Variants in KISS1 observed in about 807,000 individuals in gnomAD.
KISS1 encodes KiSS-1 metastasis suppressor.
For synonymous variants in KISS1, 97 were observed against 88.7 expected, an observed-to-expected ratio of 1.09 and a Z score of -0.52; for missense variants, 182 against 182.7, an observed-to-expected ratio of 1.00 and a Z score of 0.02.
chr1:204,191,921 T>A (rs1658750112), intron 2 of KISS1, among the ~76,000 whole-genome samples: 1 of 152,188 alleles, frequency 6.6e-6, no homozygotes, highest in Non-Finnish European at 1.5e-5. Flanking sequence ...GTGGGGTTAT[T>A]TTCTGGGGTA....
chr1:204,192,392 G>T lies in KISS1; in HGVS notation c.103+382C>A, dbSNP rs1463168940. On this transcript the variant is annotated intron_variant, in intron 2 of 2. Coordinates refer to ENST00000367194, the MANE Select transcript of KISS1 (RefSeq NM_002256.4). The surrounding 1 kb of genome is among the most constrained non-coding windows in gnomAD (Gnocchi z 4.2). ...ATCAAATATCTGCCCTTTGGTTTAGGTTTTTTTTTTTTTCCAAATTCTCCA... is the reference window on the plus strand; with the variant it reads ...ATCAAATATCTGCCCTTTGGTTTAGTTTTTTTTTTTTTTCCAAATTCTCCA... Among the ~76,000 whole-genome samples, 8 of 146,432 alleles carry T rather than the reference G, an allele frequency of 5.5e-5. No individual in the cohort carries two copies. The East Asian group carries it at 1.0e-3, about 18-fold the overall frequency.
At chr1:204,194,178 G>T (rs764447666) in intron 1 of KISS1, among the ~76,000 whole-genome samples, 1 of 152,072 alleles carries the variant, frequency 6.6e-6, no homozygotes, top group African/African-American at 2.4e-5. Flanking sequence ...CTTGAATCTT[G>T]CCCCAGCTCT....
chr1:204,195,442 C>G (rs1408123268), intron 1 of KISS1, among the ~76,000 whole-genome samples: 2 of 145,716 alleles, frequency 1.4e-5, no homozygotes, highest in Non-Finnish European at 3.0e-5. Flanking sequence ...ACACATACAC[C>G]CATACACACA....
At chr1:204,195,218 CA>C (rs1658819202) in intron 1 of KISS1, among the ~76,000 whole-genome samples, 1 of 930 alleles carries the variant, frequency 1.1e-3, no homozygotes, top group Non-Finnish European at 2.5e-3. Context: ...TATACGCACA[CA>C]CCCATACACA....
In KISS1 at chr1:204,193,386, G is replaced by A. The variant is rs60849196; in HGVS notation, c.-38-472C>T. ...AACTTTGAGGTTCCAATATTCTCTCGGGAGCCTGGCAACAGGCACTTCTTC... is the reference window on the plus strand; with the variant it reads ...AACTTTGAGGTTCCAATATTCTCTCAGGAGCCTGGCAACAGGCACTTCTTC... On this transcript the variant is annotated intron_variant, in intron 1 of 2. Coordinates refer to ENST00000367194, the MANE Select transcript of KISS1 (RefSeq NM_002256.4). Among the ~76,000 whole-genome samples the A allele has an allele frequency of 2.2e-3, 330 of 152,126 alleles. 1 individual carries two copies. The highest frequency in any genetic ancestry group is 3.9e-3 in the Non-Finnish European group (264 of 68,004).
intron 1 of KISS1, among the ~76,000 whole-genome samples, chr1:204,193,273 T>C (rs1271396946): frequency 6.6e-6 from 1 of 152,020 alleles, no homozygotes; most frequent in Non-Finnish European, 1.5e-5. Flanking sequence ...TTGAGAGGAA[T>C]GTTTGAGAAA....
chr1:204,191,257 G>A (rs541371640), intron 2 of KISS1, among the ~76,000 whole-genome samples: 1 of 152,238 alleles, frequency 6.6e-6, no homozygotes, highest in African/African-American at 2.4e-5. Flanking sequence ...AGCTAAAAAC[G>A]TGTAGTAACA....
Position 204,190,518 on chromosome 1 carries a change from G to T in KISS1, c.383C>A (p.Pro128Gln). 6.2e-7 allele frequency: 1 copy of T among 1,607,116 alleles called. No homozygotes were observed. Among genetic ancestry groups the T allele is most frequent in the Non-Finnish European group, 8.5e-7 (1 of 1,178,376 alleles). Reference sequence around the variant, plus strand: ...CCCAGCGCTTCTGCCGTGGTTCCCTGGTGCCGCCTCCCGCTTGCCGAAGCG... The same window carrying T: ...CCCAGCGCTTCTGCCGTGGTTCCCTTGTGCCGCCTCCCGCTTGCCGAAGCG... ...GLRFGKREAA[P>Q]GNHGRSAGRG is the part of the protein sequence containing the mutation. The change falls in exon 3 of 3, where the codon CCA (proline) becomes CAA (glutamine). Residue 128 changes from proline (P) to glutamine (Q), a missense_variant. Physicochemically the swap from Pro to Gln is moderately conservative, Grantham distance 76. Coordinates refer to ENST00000367194, the MANE Select transcript of KISS1 (RefSeq NM_002256.4).
At position 204,192,629 on chromosome 1, in the gene KISS1, C is replaced by T. The variant is rs1303740746; in HGVS notation, c.103+145G>A. ...ACTTGCAGGGTTAACAGGACCCCCT[C>T]AATGAGTTGCATGTGTGCCAGTCTT... On this transcript the variant is annotated intron_variant, in intron 2 of 2. Transcript: ENST00000367194. The surrounding 1 kb of genome is among the most constrained non-coding windows in gnomAD (Gnocchi z 4.2). 2 of 676,018 alleles carry T rather than the reference C, an allele frequency of 3.0e-6. No individual in the cohort carries two copies. Among genetic ancestry groups the T allele is most frequent in the African/African-American group, 3.5e-5 (2 of 56,444 alleles). The allele number at this position is 676,018 out of a possible 1,614,324, so 41.9% of individuals were successfully genotyped here.
At chr1:204,195,405 A>ATAC (rs1413343566) in intron 1 of KISS1, among the ~76,000 whole-genome samples, 1 of 100,794 alleles carries the variant, frequency 9.9e-6, no homozygotes, top group African/African-American at 3.7e-5. Context: ...CACACCACAC[A>ATAC]CGCACACACA....
In KISS1 at chr1:204,190,578, T is replaced by A. The variant is rs570524083; in HGVS notation, c.323A>T (p.Asp108Val). ...QGAVLVQREK[D>V]LPNYNWNSFG... ...GGAGTTCCAGTTGTAGTTCGGCAGG[T>A]CCTTCTCCCGCTGCACCAGCACCGC... The change falls in exon 3 of 3, where the codon GAC (aspartate) becomes GTC (valine). Residue 108 changes from aspartate to valine, a missense_variant. Transcript: ENST00000367194. The A allele has an allele frequency of 1.2e-6, 2 of 1,602,584 alleles. No individual in the cohort carries two copies. The highest frequency in any genetic ancestry group is 3.4e-5 in the Admixed American group (2 of 59,126).
chr1:204,193,432 C>A (rs57867485), intron 1 of KISS1, among the ~76,000 whole-genome samples: 2,739 of 152,198 alleles, frequency 0.018, 76 homozygotes, highest in African/African-American at 0.063. Flanking sequence ...GGGTTCTGCA[C>A]AAATCCACAA....
rs1369487918 is a variant in KISS1, at chr1:204,193,756, C to G, written c.-38-842G>C. ...GGCTGCTGAGATGGGAGCCGTGTGC[C>G]CTGATCCTCACACCATTTCCCATCA... On this transcript the variant is annotated intron_variant, in intron 1 of 2. Coordinates refer to ENST00000367194, the MANE Select transcript of KISS1 (RefSeq NM_002256.4). Among the ~76,000 whole-genome samples the G allele has an allele frequency of 4.6e-5, 7 of 152,090 alleles. No individual in the cohort carries two copies. In the East Asian group the frequency reaches 1.4e-3, roughly 29 times the overall value.
At chr1:204,193,823 C>G (rs747364032) in intron 1 of KISS1, among the ~76,000 whole-genome samples, 3 of 152,120 alleles carry the variant, frequency 2.0e-5, no homozygotes, top group Non-Finnish European at 4.4e-5. Flanking sequence ...CATACCCCAC[C>G]CTACCTCTTC....
intron 1 of KISS1, among the ~76,000 whole-genome samples, 181 bp from the exon 2 acceptor site, chr1:204,193,095 T>C (rs1369055956): frequency 6.6e-6 from 1 of 152,200 alleles, no homozygotes; most frequent in East Asian, 1.9e-4. Flanking sequence ...TGAGACTCTT[T>C]ACACAGTGTA....
At chr1:204,195,112 G>A (rs1658812463) in intron 1 of KISS1, among the ~76,000 whole-genome samples, 1 of 37,384 alleles carries the variant, frequency 2.7e-5, no homozygotes, top group Non-Finnish European at 5.2e-5. Context: ...TGCGCCATGG[G>A]ACAACTCTGC....
intron 1 of KISS1, among the ~76,000 whole-genome samples, chr1:204,193,376 A>C (rs191887086): frequency 3.3e-4 from 51 of 152,244 alleles, no homozygotes; most frequent in South Asian, 2.7e-3. Flanking sequence ...TGAGGTTCCA[A>C]TATTCTCTCG....
chr1:204,195,540 G>A (rs116665870), intron 1 of KISS1, among the ~76,000 whole-genome samples: 1 of 136,626 alleles, frequency 7.3e-6, no homozygotes, highest in Admixed American at 7.4e-5. Flanking sequence ...ACACCACACA[G>A]ATATATACCC....
chr1:204,192,847 C>T lies in KISS1; in HGVS notation c.30G>A (p.Leu10=), dbSNP rs1658771580. 3 of 1,595,464 alleles carry T rather than the reference C, an allele frequency of 1.9e-6. No homozygotes were observed. Among genetic ancestry groups the T allele is most frequent in the East Asian group, 2.2e-5 (1 of 44,718 alleles). Residue 10 remains leucine, a synonymous_variant, in exon 2 of 3, where the codon CTG becomes CTA. Transcript: ENST00000367194. The surrounding 1 kb of genome is among the most constrained non-coding windows in gnomAD (Gnocchi z 4.2). Reference sequence around the variant, plus strand: ...CAAAGTGGGTGGCACAGAGGAAAAGCAGTAGCTGCCAAGAAACCAGTGAGT... The same window carrying T: ...CAAAGTGGGTGGCACAGAGGAAAAGTAGTAGCTGCCAAGAAACCAGTGAGT... MNSLVSWQL[L]LFLCATHFGE...
Sources: allele counts gnomAD v4.1 joint callset (sites outside exome capture counted in the v4.1 genomes callset), GRCh38; gene constraint gnomAD v4.1.1; non-coding constraint Gnocchi (gnomAD v3.1); transcripts MANE v1.5; gene names NCBI Gene and HGNC (gene_info 2026-07-23, HGNC 2026-07-21).